UGT1A10: variants seen among roughly 807,000 people sequenced by gnomAD.
UGT1A10 encodes UDP glucuronosyltransferase family 1 member A10.
In UGT1A10, 49 loss-of-function variants were observed where a neutral mutation model predicts 45.8. That is an observed-to-expected ratio of 1.07 (90% CI 0.85 to 1.36). The LOEUF is 1.36. Among genes scored for constraint, UGT1A10 ranks in the 40% most tolerant of loss-of-function variants. The probability of loss-of-function intolerance (pLI) is 0.00; values close to 1 mark genes in which losing one functional copy is unlikely to be tolerated. For synonymous variants in UGT1A10, 284 were observed against 249.7 expected (o/e 1.14, Z -1.29); for missense variants, 745 against 668.6 (o/e 1.11, Z -1.26).
chr2:233,704,256 C>T (rs1366792862), intron 1 of UGT1A10, among the ~76,000 whole-genome samples: 14 of 123,650 alleles, frequency 1.1e-4, no homozygotes, highest in South Asian at 2.6e-4. Context: ...GCCTTTATTG[C>T]TTTTTTTTTT....
intron 1 of UGT1A10, among the ~76,000 whole-genome samples, chr2:233,688,515 C>A (rs953054685): frequency 6.6e-6 from 1 of 152,002 alleles, no homozygotes; most frequent in South Asian, 2.1e-4. Context: ...CAGTGAAATG[C>A]GCCTAGAGTG....
chr2:233,751,084 C>T (rs1694636853), intron 1 of UGT1A10, among the ~76,000 whole-genome samples: 1 of 151,906 alleles, frequency 6.6e-6, no homozygotes, highest in Non-Finnish European at 1.5e-5. Flanking sequence ...CTGAAGGCAG[C>T]CAGGAGGAGG....
chr2:233,748,554 C>G (rs1045487950), intron 1 of UGT1A10, among the ~76,000 whole-genome samples: 1 of 151,692 alleles, frequency 6.6e-6, no homozygotes, highest in African/African-American at 2.4e-5. Context: ...CCTAAGCACT[C>G]GCAGGAAGTA....
At chr2:233,674,850 A>G (rs1392217876) in intron 1 of UGT1A10, among the ~76,000 whole-genome samples, 1 of 152,154 alleles carries the variant, frequency 6.6e-6, no homozygotes, top group Non-Finnish European at 1.5e-5. Context: ...CCAACCACAG[A>G]AGTAAATTGT....
chr2:233,693,186 C>G lies in UGT1A10; in HGVS notation c.855+55809C>G. The G allele has an allele frequency of 1.9e-6, 3 of 1,614,092 alleles. No individual in the cohort carries two copies. The Middle Eastern group carries it at 4.9e-4, about 266-fold the overall frequency. ...GGTCATGAGATTGTAGTGGTGGTGCCTGAAGTTAATTTGCTTTTGAAAGAA... is the reference window on the plus strand; with the variant it reads ...GGTCATGAGATTGTAGTGGTGGTGCGTGAAGTTAATTTGCTTTTGAAAGAA... On this transcript the variant is annotated intron_variant, in intron 1 of 4. Transcript: ENST00000344644.
chr2:233,746,051 G>T (rs1270238597), intron 1 of UGT1A10, among the ~76,000 whole-genome samples: 3 of 151,680 alleles, frequency 2.0e-5, no homozygotes, highest in Non-Finnish European at 2.9e-5. Flanking sequence ...TGGATGCAGG[G>T]TCTAGAACGA....
chr2:233,752,614 C>T (rs567429559), intron 1 of UGT1A10: 24 of 152,230 alleles, frequency 1.6e-4, no homozygotes, highest in African/African-American at 5.8e-4. Context: ...AAAACATTAG[C>T]TAGGTGTGGT....
At chr2:233,748,975 A>G (rs527445283) in intron 1 of UGT1A10, among the ~76,000 whole-genome samples, 1 of 151,758 alleles carries the variant, frequency 6.6e-6, no homozygotes, top group African/African-American at 2.4e-5. Context: ...AGTGGGATCT[A>G]CTTCTTTACC....
intron 1 of UGT1A10, chr2:233,712,975 CGGT>C (rs2076265720): frequency 6.2e-7 from 1 of 1,612,932 alleles, no homozygotes; most frequent in African/African-American, 1.3e-5. Flanking sequence ...AGTCAGCTGT[CGGT>C]GGCTTCTGCT....
rs572041425 is a variant in UGT1A10, at chr2:233,668,058, C to T, written c.855+30681C>T. Among the ~76,000 whole-genome samples, 445 of 99,362 alleles carry T rather than the reference C, an allele frequency of 4.5e-3. 2 individuals are homozygous for T. The highest frequency in any genetic ancestry group is 0.021 in the African/African-American group (393 of 18,418). The allele number at this position is 99,362 out of a possible 152,430, so 65.2% of individuals were successfully genotyped here. Reference sequence around the variant, plus strand: ...TTGCTAAATGTTAGTTTACTGTGCACATTTTTTTTTATTATACTTTAAGTT... The same window carrying T: ...TTGCTAAATGTTAGTTTACTGTGCATATTTTTTTTTATTATACTTTAAGTT... On this transcript the variant is annotated intron_variant, in intron 1 of 4. Coordinates refer to ENST00000344644, the MANE Select transcript of UGT1A10 (RefSeq NM_019075.4).
chr2:233,661,340 A>T (rs1204032018), intron 1 of UGT1A10, among the ~76,000 whole-genome samples: 1 of 152,090 alleles, frequency 6.6e-6, no homozygotes, highest in African/African-American at 2.4e-5. Context: ...CATTACCATT[A>T]CCACCAGGAG....
chr2:233,655,423 A>T (rs1575404285), intron 1 of UGT1A10, among the ~76,000 whole-genome samples: 1 of 152,260 alleles, frequency 6.6e-6, no homozygotes, highest in South Asian at 2.1e-4. Flanking sequence ...GGAGCACTGG[A>T]AGCTGGCCAC....
intron 1 of UGT1A10, among the ~76,000 whole-genome samples, chr2:233,757,535 A>AATATATATACATAT (rs376887521): frequency 1.4e-4 from 12 of 88,292 alleles, no homozygotes; most frequent in Admixed American, 3.3e-4. Context: ...GCCTGTAAGG[A>AATATATATACATAT]ATATATATAT....
At chr2:233,757,535 A>AATATATATACATATACATACATAT (rs376887521) in intron 1 of UGT1A10, among the ~76,000 whole-genome samples, 1 of 88,310 alleles carries the variant, frequency 1.1e-5, no homozygotes, top group South Asian at 5.2e-4. Flanking sequence ...GCCTGTAAGG[A>AATATATATACATATACATACATAT]ATATATATAT....
At position 233,760,587 on chromosome 2, in the gene UGT1A10, T is replaced by C. The variant is rs374655757; in HGVS notation, c.856-6447T>C. ...TTGTTAGTCTCGGGCATAATGTTTT[T>C]GAGAATGATTCTTTCCTGCAGCGTG... On this transcript the variant is annotated intron_variant, in intron 1 of 4. Coordinates refer to ENST00000344644, the MANE Select transcript of UGT1A10 (RefSeq NM_019075.4). 5 of 1,614,120 alleles carry C rather than the reference T, an allele frequency of 3.1e-6. No homozygotes were observed. Among genetic ancestry groups the C allele is most frequent in the Non-Finnish European group, 4.2e-6 (5 of 1,180,056 alleles).
intron 1 of UGT1A10, chr2:233,754,965 T>A (rs1303021739): frequency 7.7e-7 from 1 of 1,306,100 alleles, no homozygotes; most frequent in East Asian, 4.6e-5. Flanking sequence ...GCCAAAGAAC[T>A]CCCTGAAGAC....
In UGT1A10 at chr2:233,747,934, G is replaced by A. The variant is rs544310415; in HGVS notation, c.856-19100G>A. The A allele has an allele frequency of 2.5e-6, 4 of 1,613,444 alleles. No individual in the cohort carries two copies. In the South Asian group the frequency reaches 3.3e-5, roughly 13 times the overall value. ...AGCCTTGCCTCTGAGCTTTTTCAGAGGGAGGTGTCAGTGGTGGATCTTCTC... is the reference window on the plus strand; with the variant it reads ...AGCCTTGCCTCTGAGCTTTTTCAGAAGGAGGTGTCAGTGGTGGATCTTCTC... On this transcript the variant is annotated intron_variant, in intron 1 of 4. Coordinates refer to ENST00000344644, the MANE Select transcript of UGT1A10 (RefSeq NM_019075.4).
intron 1 of UGT1A10, among the ~76,000 whole-genome samples, chr2:233,661,660 T>TTTCTTTCC (rs2073970893): frequency 6.6e-6 from 1 of 150,394 alleles, no homozygotes; most frequent in African/African-American, 2.5e-5. Flanking sequence ...TCTTTCTTTC[T>TTTCTTTCC]TTCTTTCTTT....
rs1254411333 is a variant in UGT1A10 at position 233,772,451 on chromosome 2, C to T, written c.1485C>T (p.Val495=). ...SLDVIGFLLA[V]VLTVAFITFK... The stretch of plus-strand genomic sequence containing the variant: ...ACGTGATTGGTTTCCTCTTGGCCGT[C>T]GTGCTGACAGTGGCCTTCATCACCT... The change falls in exon 5 of 5, where the codon GTC becomes GTT. Residue 495 remains valine (V), a synonymous_variant. Transcript: ENST00000344644. 9 of 1,614,028 alleles carry T rather than the reference C, an allele frequency of 5.6e-6. No homozygotes were observed. The highest frequency in any genetic ancestry group is 1.1e-5 in the South Asian group (1 of 91,086).
Sources: gnomAD v4.1 joint callset for allele counts (sites outside exome capture counted in the v4.1 genomes callset) on GRCh38, gnomAD v4.1.1 for gene constraint, MANE v1.5 for transcripts, NCBI Gene and HGNC (gene_info 2026-07-23, HGNC 2026-07-21) for gene names.